The following ESR2 variants were observed in gnomAD, a reference collection of about 807,000 sequenced individuals.
ESR2 encodes the protein estrogen receptor 2, also known as estrogen receptor beta.
ESR2 carries 36 observed loss-of-function variants against 49.6 expected under a neutral mutation model. That is an observed-to-expected ratio of 0.73 (90% CI 0.56 to 0.96). The LOEUF is 0.96. ESR2 is among the 40% of genes least tolerant of loss of function. The pLI is 0.00. For missense variants in ESR2, 714 were observed against 693.0 expected, an observed-to-expected ratio of 1.03 and a Z score of -0.34; for synonymous variants, 320 against 266.1, an observed-to-expected ratio of 1.20 and a Z score of -1.97.
Position 64,249,587 on chromosome 14 carries a change from T to C in ESR2, c.1184A>G (p.Lys395Arg), listed in dbSNP as rs927692826. Reference sequence around the variant, plus strand: ...CATGGCCTTGACACAGAGATATTCTTTGTGTTGGAGTTTTAACTCTCGAAA... The same window carrying C: ...CATGGCCTTGACACAGAGATATTCTCTGTGTTGGAGTTTTAACTCTCGAAA... ...SRFRELKLQHKEYLCVKAMIL... is the reference protein window; with the variant it reads ...SRFRELKLQHREYLCVKAMIL... Residue 395 changes from lysine (K) to arginine (R), a missense_variant, in exon 7 of 9, where the codon AAA becomes AGA. Coordinates refer to ENST00000341099, the MANE Select transcript of ESR2 (RefSeq NM_001437.3). 3.1e-6 allele frequency: 5 copies of C among 1,613,680 alleles called. No individual in the cohort carries two copies. The highest frequency in any genetic ancestry group is 4.2e-6 in the Non-Finnish European group (5 of 1,179,738).
At position 64,253,080 on chromosome 14, in the gene ESR2, T is replaced by C. The variant is rs574005480; in HGVS notation, c.1092-3401A>G. 3.3e-5 allele frequency among the ~76,000 whole-genome samples: 5 copies of C among 152,260 alleles called. No homozygotes were observed. The South Asian group carries it at 1.0e-3, about 32-fold the overall frequency. On this transcript the variant is annotated intron_variant, in intron 6 of 8. Transcript: ENST00000341099. The stretch of plus-strand genomic sequence containing the variant: ...CATGTTGGCCAGGCTGGTCTTGAAC[T>C]CCTGACCTCAAGTGATCCACTCACC...
At position 64,231,704 on chromosome 14, in the gene ESR2, A is replaced by T. The variant is rs1333871977; in HGVS notation, c.*1433T>A. On this transcript the variant is annotated 3_prime_UTR_variant, in exon 9 of 9. Coordinates refer to ENST00000341099, the MANE Select transcript of ESR2 (RefSeq NM_001437.3). ...TCAAAAAGAAAATATATTTAATATC[A>T]TATCACAAGGTAATTGTTTAAAACG... The T allele has an allele frequency of 6.6e-6, 1 of 152,248 alleles. No homozygotes were observed. The highest frequency in any genetic ancestry group is 1.5e-5 in the Non-Finnish European group (1 of 68,046). The allele number at this position is 152,248 out of a possible 1,614,324, so 9.4% of individuals were successfully genotyped here. A position where few individuals can be genotyped will look rare whatever the true frequency, so the allele number is the denominator to read the frequency against.
At chr14:64,247,602 G>T (rs1014010066) in intron 7 of ESR2, among the ~76,000 whole-genome samples, 2 of 152,190 alleles carry the variant, frequency 1.3e-5, no homozygotes, top group African/African-American at 2.4e-5. Context: ...AGAGATATCT[G>T]TAAGTCTTCA....
chr14:64,262,681 G>A (rs2076247665), intron 4 of ESR2, among the ~76,000 whole-genome samples: 1 of 151,918 alleles, frequency 6.6e-6, no homozygotes, highest in African/African-American at 2.4e-5. Flanking sequence ...GGGGCGGGAG[G>A]GGACGGATCA....
At chr14:64,302,064 C>T (rs1166015775) in intron 1 of ESR2, among the ~76,000 whole-genome samples, 5 of 152,162 alleles carry the variant, frequency 3.3e-5, no homozygotes, top group African/African-American at 1.2e-4. Flanking sequence ...AGAAAGACCC[C>T]TGACACCTGA....
chr14:64,294,958 C>T (rs1445448940), upstream of ESR2, among the ~76,000 whole-genome samples: 1 of 152,216 alleles, frequency 6.6e-6, no homozygotes, highest in African/African-American at 2.4e-5. Context: ...AGACCTGTGC[C>T]TCCGGCCACG....
intron 3 of ESR2, among the ~76,000 whole-genome samples, chr14:64,270,566 A>C (rs1349138989): frequency 6.6e-6 from 1 of 152,106 alleles, no homozygotes; most frequent in Non-Finnish European, 1.5e-5. Flanking sequence ...GTTAGAGCGC[A>C]GTGGCACGAT....
intron 1 of ESR2, among the ~76,000 whole-genome samples, chr14:64,333,079 G>A (rs150080570): frequency 0.016 from 2,377 of 151,694 alleles, 65 homozygotes; most frequent in East Asian, 0.087. Context: ...GGGTTTCACC[G>A]TGTTAGCCAG....
chr14:64,322,926 C>T lies in ESR2; in HGVS notation c.-91+14972G>A, dbSNP rs184285242. Among the ~76,000 whole-genome samples, 160 of 152,246 alleles carry T rather than the reference C, an allele frequency of 1.1e-3. 1 individual carries two copies. Among genetic ancestry groups the T allele is most frequent in the Non-Finnish European group, 1.5e-3 (102 of 68,010 alleles). On this transcript the variant is annotated intron_variant, in intron 1 of 8. Coordinates refer to the ESR2 transcript ENST00000358599. ...ATGGTTGAATAAATTAAGATACATG[C>T]ATACTATAGAATATTATACAGTTAT... is the stretch of plus-strand genomic sequence containing the variant.
At position 64,231,199 on chromosome 14, in the gene ESR2, A is replaced by T. The variant is rs2098726917; in HGVS notation, c.*1938T>A. ...ACATCTGGCCTTGTTTTGGTTTTTT[A>T]TGTTTTTGTTACCTGGTAATCTCTT... On this transcript the variant is annotated 3_prime_UTR_variant, in exon 9 of 9. Coordinates refer to ENST00000341099, the MANE Select transcript of ESR2 (RefSeq NM_001437.3). The T allele has an allele frequency of 6.6e-6, 1 of 151,998 alleles. No homozygotes were observed. Among genetic ancestry groups the T allele is most frequent in the Non-Finnish European group, 1.5e-5 (1 of 68,000 alleles). The allele number at this position is 151,998 out of a possible 1,614,324, so 9.4% of individuals were successfully genotyped here. A position where few individuals can be genotyped will look rare whatever the true frequency, so the allele number is the denominator to read the frequency against.
At chr14:64,308,593 G>A (rs951184631) in intron 1 of ESR2, among the ~76,000 whole-genome samples, 35 of 151,934 alleles carry the variant, frequency 2.3e-4, no homozygotes, top group Admixed American at 2.2e-3. Context: ...AAAATAGTAT[G>A]GCCTATTTTG....
chr14:64,284,555 C>T (rs1011894029), intron 1 of ESR2, among the ~76,000 whole-genome samples: 19 of 151,908 alleles, frequency 1.3e-4, no homozygotes, highest in African/African-American at 4.6e-4. Context: ...CTCCTGACCT[C>T]AAGTGATCTG....
intron 3 of ESR2, among the ~76,000 whole-genome samples, chr14:64,277,740 C>T (rs1027395266): frequency 3.3e-5 from 5 of 151,562 alleles, no homozygotes; most frequent in South Asian, 2.1e-4. Context: ...TACTGTAATG[C>T]ACTTATATCA....
At chr14:64,270,404 T>C (rs1431436778) in intron 3 of ESR2, among the ~76,000 whole-genome samples, 1 of 152,218 alleles carries the variant, frequency 6.6e-6, no homozygotes, top group Non-Finnish European at 1.5e-5. Context: ...TGCCATTATA[T>C]TCTATTTCAT....
chr14:64,260,430 G>A lies in ESR2; in HGVS notation c.952+19C>T, dbSNP rs2076188546. 1 of 1,522,942 alleles carries A rather than the reference G, an allele frequency of 6.6e-7. No individual in the cohort carries two copies. Among genetic ancestry groups the A allele is most frequent in the East Asian group, 2.3e-5 (1 of 44,034 alleles). 94.3% of individuals were successfully genotyped at this position (1,522,942 alleles called of 1,614,324 possible). A position where few individuals can be genotyped will look rare whatever the true frequency, so the allele number is the denominator to read the frequency against. On this transcript the variant is annotated intron_variant, in intron 5 of 8. Coordinates refer to ENST00000341099, the MANE Select transcript of ESR2 (RefSeq NM_001437.3). ...CCTTTCTACAAGTACATGGAAAACT[G>A]ATAGCCAGAAAGCCCTACCGGGAAT...
intron 7 of ESR2, among the ~76,000 whole-genome samples, chr14:64,235,661 C>A (rs1008994326): frequency 6.6e-6 from 1 of 152,214 alleles, no homozygotes; most frequent in Non-Finnish European, 1.5e-5. Context: ...ACCTCTGCAT[C>A]TCGCTTGAGT....
At chr14:64,269,055 C>CT in intron 3 of ESR2, 144 bp from the exon 4 acceptor site, 1 of 573,046 alleles carries the variant, frequency 1.7e-6, no homozygotes, top group Admixed American at 3.2e-5. Context: ...AAGCCAAAGT[C>CT]AAGCTACATT....
chr14:64,316,692 C>A (rs1452845549), intron 1 of ESR2, among the ~76,000 whole-genome samples: 1 of 151,826 alleles, frequency 6.6e-6, no homozygotes, highest in African/African-American at 2.4e-5. Context: ...ACCTGTGGTA[C>A]CAGCTACTTT....
intron 1 of ESR2, among the ~76,000 whole-genome samples, chr14:64,283,719 G>A (rs1340285248): frequency 1.7e-5 from 2 of 117,204 alleles, no homozygotes; most frequent in African/African-American, 6.8e-5. Flanking sequence ...CCGCGCTCCA[G>A]CCTGGGTGAT....
Sources: allele counts gnomAD v4.1 joint callset (sites outside exome capture counted in the v4.1 genomes callset), GRCh38; gene constraint gnomAD v4.1.1; transcripts MANE v1.5; gene names NCBI Gene and HGNC (gene_info 2026-07-23, HGNC 2026-07-21).